The following KCNQ3 variants were observed in gnomAD, a reference collection of about 807,000 sequenced individuals.
The protein encoded by KCNQ3 is potassium voltage-gated channel subfamily Q member 3.
A neutral mutation model predicts 92.5 loss-of-function variants in KCNQ3; 30 were observed. That is an observed-to-expected ratio of 0.32 (90% CI 0.24 to 0.44). The LOEUF (loss-of-function observed/expected upper bound fraction) is 0.44, where lower values mean the gene tolerates loss of function less well. Ranked by LOEUF, KCNQ3 falls within the 20% of genes least tolerant of loss-of-function variation. KCNQ3 has a pLI of 1.00. For missense variants in KCNQ3, 913 were observed against 1,140.3 expected (o/e 0.80, Z 2.87); for synonymous variants, 450 against 468.8 (o/e 0.96, Z 0.52).
intron 1 of KCNQ3, among the ~76,000 whole-genome samples, chr8:132,334,646 G>A (rs140440260): frequency 0.011 from 1,602 of 152,346 alleles, 34 homozygotes; most frequent in African/African-American, 0.037. Flanking sequence ...TGGGGGCCAT[G>A]TCATAATGCT....
intron 9 of KCNQ3, among the ~76,000 whole-genome samples, chr8:132,148,769 C>T (rs2130957015): frequency 6.6e-6 from 1 of 152,274 alleles, no homozygotes; most frequent in East Asian, 1.9e-4. Flanking sequence ...ATTCTCTTGC[C>T]CTTGGAGATT....
chr8:132,419,471 C>T (rs749949986), intron 1 of KCNQ3, among the ~76,000 whole-genome samples: 4 of 152,174 alleles, frequency 2.6e-5, no homozygotes, highest in Non-Finnish European at 5.9e-5. Flanking sequence ...CAAAAAACAT[C>T]CAGTGCCTGA....
chr8:132,277,887 C>T, intron 1 of KCNQ3: 7 of 919,924 alleles, frequency 7.6e-6, no homozygotes, highest in Non-Finnish European at 6.5e-6. Context: ...TTATAATGAT[C>T]CCCCTGTCTC....
intron 1 of KCNQ3, among the ~76,000 whole-genome samples, chr8:132,399,765 G>A (rs1259782604): frequency 1.3e-5 from 2 of 152,282 alleles, no homozygotes; most frequent in Non-Finnish European, 2.9e-5. Context: ...AAAGTCCCAG[G>A]TGGCCACATC....
chr8:132,398,180 A>G (rs1444099516), intron 1 of KCNQ3, among the ~76,000 whole-genome samples: 4 of 152,128 alleles, frequency 2.6e-5, no homozygotes, highest in Non-Finnish European at 5.9e-5. Flanking sequence ...CAACTCCCAA[A>G]ATTTAATCTT....
At chr8:132,138,136 G>T in intron 11 of KCNQ3, 120 bp from the exon 12 acceptor site, 2 of 1,183,742 alleles carry the variant, frequency 1.7e-6, no homozygotes, top group Non-Finnish European at 2.5e-6. Context: ...GAGCTTGCTG[G>T]AAGAACTTCC....
intron 1 of KCNQ3, among the ~76,000 whole-genome samples, chr8:132,411,325 C>T (rs866821438): frequency 1.3e-5 from 2 of 152,068 alleles, no homozygotes; most frequent in Admixed American, 6.5e-5. Context: ...ACCTTGGGGA[C>T]GCAGCAGTGA....
intron 1 of KCNQ3, among the ~76,000 whole-genome samples, chr8:132,263,404 A>G (rs558054182): frequency 9.2e-5 from 14 of 152,198 alleles, no homozygotes; most frequent in Admixed American, 2.6e-4. Flanking sequence ...GCTCCACCCT[A>G]CAGCCCCATT....
chr8:132,315,542 G>A (rs1817716640), intron 1 of KCNQ3, among the ~76,000 whole-genome samples: 2 of 152,140 alleles, frequency 1.3e-5, no homozygotes, highest in Admixed American at 6.5e-5. Flanking sequence ...TTTGTCCAAT[G>A]ACTACTTTAA....
rs147440163 is a variant in KCNQ3, at chr8:132,223,739, G to A, written c.387-37558C>T. 8.8e-3 allele frequency among the ~76,000 whole-genome samples: 1,347 copies of A among 152,230 alleles called. 13 individuals carry two copies. Among genetic ancestry groups the A allele is most frequent in the Non-Finnish European group, 0.014 (955 of 68,020 alleles). On this transcript the variant is annotated intron_variant, in intron 1 of 14. Coordinates refer to ENST00000388996, the MANE Select transcript of KCNQ3 (RefSeq NM_004519.4). ...AATCTTAAATTTTTATAAACTCTGGGAGGTTCTGATGCTGTAGACAGGTAC... is the reference window on the plus strand; with the variant it reads ...AATCTTAAATTTTTATAAACTCTGGAAGGTTCTGATGCTGTAGACAGGTAC...
chr8:132,230,126 C>T (rs535804750), intron 1 of KCNQ3, among the ~76,000 whole-genome samples: 3 of 152,210 alleles, frequency 2.0e-5, no homozygotes, highest in Admixed American at 6.5e-5. Flanking sequence ...GATGACAGCA[C>T]CAAACAACCC....
At chr8:132,398,250 C>T (rs1178292557) in intron 1 of KCNQ3, among the ~76,000 whole-genome samples, 1 of 152,130 alleles carries the variant, frequency 6.6e-6, no homozygotes, top group Non-Finnish European at 1.5e-5. Context: ...CAAATCTCTC[C>T]CCCTCTTCAA....
intron 1 of KCNQ3, among the ~76,000 whole-genome samples, chr8:132,368,244 G>A (rs556409298): frequency 3.9e-5 from 6 of 152,322 alleles, no homozygotes; most frequent in African/African-American, 1.4e-4. Context: ...CGTTAAGTGA[G>A]GACTTGCTAT....
At chr8:132,248,109 C>T (rs1482073842) in intron 1 of KCNQ3, among the ~76,000 whole-genome samples, 3 of 152,120 alleles carry the variant, frequency 2.0e-5, no homozygotes, top group African/African-American at 7.2e-5. Flanking sequence ...CTGCCATTAA[C>T]ATTACAACTC....
chr8:132,446,214 T>C (rs992965582), intron 1 of KCNQ3, among the ~76,000 whole-genome samples: 7 of 152,328 alleles, frequency 4.6e-5, no homozygotes, highest in African/African-American at 1.4e-4. Context: ...TGCCTCAGCC[T>C]GGATCCACCA....
intron 1 of KCNQ3, among the ~76,000 whole-genome samples, chr8:132,295,455 C>A (rs905230789): frequency 6.6e-6 from 1 of 152,136 alleles, no homozygotes; most frequent in Non-Finnish European, 1.5e-5. Flanking sequence ...TTAGTTCAAC[C>A]AGTGTGGAAG....
chr8:132,255,329 C>A (rs1008439178), intron 1 of KCNQ3, among the ~76,000 whole-genome samples: 1 of 152,216 alleles, frequency 6.6e-6, no homozygotes. Context: ...CCAAAGAGGG[C>A]AGACTTTTCC....
intron 1 of KCNQ3, among the ~76,000 whole-genome samples, chr8:132,417,037 T>C (rs548734908): frequency 3.0e-4 from 46 of 152,312 alleles, no homozygotes; most frequent in African/African-American, 9.6e-4. Flanking sequence ...ACCACCATTA[T>C]TGGGTCCTCC....
At chr8:132,373,259 C>T (rs754484404) in intron 1 of KCNQ3, among the ~76,000 whole-genome samples, 1 of 152,114 alleles carries the variant, frequency 6.6e-6, no homozygotes, top group Admixed American at 6.5e-5. Context: ...AGACCTACAC[C>T]TGGGGTAAGT....
Sources: allele counts gnomAD v4.1 joint callset (sites outside exome capture counted in the v4.1 genomes callset), GRCh38; gene constraint gnomAD v4.1.1; transcripts MANE v1.5; gene names NCBI Gene and HGNC (gene_info 2026-07-23, HGNC 2026-07-21).